ADGRB3: variants seen among roughly 807,000 people sequenced by gnomAD.
ADGRB3 encodes brain-specific angiogenesis inhibitor 3.
ADGRB3 carries 37 observed loss-of-function variants against 193.4 expected under a neutral mutation model. The ratio of observed to expected loss-of-function variants is 0.19; its 90% CI spans 0.15 to 0.25. ADGRB3 has a LOEUF of 0.25. Ranked by LOEUF, ADGRB3 falls within the 10% of genes least tolerant of loss-of-function variation. The pLI is 1.00. For synonymous variants in ADGRB3, 690 were observed against 644.2 expected (o/e 1.07, Z -1.08); for missense variants, 1,637 against 1,852.9 (o/e 0.88, Z 2.14).
chr6:69,102,516 G>A (rs912061764), intron 17 of ADGRB3, among the ~76,000 whole-genome samples: 3 of 152,178 alleles, frequency 2.0e-5, no homozygotes, highest in African/African-American at 7.2e-5. Context: ...TAAATACATG[G>A]CATTAGGGAT....
chr6:68,889,935 C>A (rs1478236745), intron 3 of ADGRB3, among the ~76,000 whole-genome samples: 1 of 152,050 alleles, frequency 6.6e-6, no homozygotes, highest in Non-Finnish European at 1.5e-5. Flanking sequence ...TTACATATAT[C>A]ATTATATAGG....
chr6:68,802,426 A>C (rs1426403965), intron 3 of ADGRB3, among the ~76,000 whole-genome samples: 1 of 152,170 alleles, frequency 6.6e-6, no homozygotes, highest in African/African-American at 2.4e-5. Context: ...TTCCAGTGTA[A>C]AGTTTATTCA....
At chr6:68,703,392 G>T (rs1388604922) in intron 3 of ADGRB3, among the ~76,000 whole-genome samples, 1 of 151,948 alleles carries the variant, frequency 6.6e-6, no homozygotes, top group East Asian at 1.9e-4. Context: ...TTGAAATTTT[G>T]AGCGTATCAA....
chr6:68,781,769 C>G (rs1267112235), intron 3 of ADGRB3, among the ~76,000 whole-genome samples: 1 of 151,976 alleles, frequency 6.6e-6, no homozygotes, highest in Non-Finnish European at 1.5e-5. Flanking sequence ...AGTGGGGCTC[C>G]TGGATCCCAA....
At chr6:68,891,646 A>G (rs1253531599) in intron 3 of ADGRB3, among the ~76,000 whole-genome samples, 4 of 152,186 alleles carry the variant, frequency 2.6e-5, no homozygotes. Flanking sequence ...TAGAGGGTTC[A>G]GGTTTAGTTA....
At chr6:68,724,617 T>C (rs1026531700) in intron 3 of ADGRB3, among the ~76,000 whole-genome samples, 5 of 151,446 alleles carry the variant, frequency 3.3e-5, no homozygotes, top group Non-Finnish European at 7.4e-5. Flanking sequence ...TATGTTTCTT[T>C]GATTTTTAGA....
intron 10 of ADGRB3, among the ~76,000 whole-genome samples, chr6:68,991,073 C>G (rs1187793775): frequency 6.6e-6 from 1 of 151,910 alleles, no homozygotes; most frequent in Admixed American, 6.6e-5. Flanking sequence ...GAGCACCAGA[C>G]GTTTTTCAGC....
intron 29 of ADGRB3, among the ~76,000 whole-genome samples, chr6:69,365,467 A>G (rs1582659647): frequency 1.3e-5 from 2 of 152,046 alleles, no homozygotes; most frequent in South Asian, 2.1e-4. Context: ...ATGGTCCCCT[A>G]TGTGGCATCT....
At chr6:69,369,332 C>T (rs867433315) in intron 29 of ADGRB3, among the ~76,000 whole-genome samples, 1 of 152,062 alleles carries the variant, frequency 6.6e-6, no homozygotes, top group Admixed American at 6.6e-5. Flanking sequence ...TGGAAACAGA[C>T]CAAAACTGAA....
chr6:68,770,305 G>T (rs916722803), intron 3 of ADGRB3, among the ~76,000 whole-genome samples: 1 of 152,126 alleles, frequency 6.6e-6, no homozygotes, highest in African/African-American at 2.4e-5. Context: ...GAGATATAAG[G>T]TTGGGAATAT....
chr6:69,210,149 C>CATATATCTATATATATATATAT (rs1765628906), intron 17 of ADGRB3, among the ~76,000 whole-genome samples: 1 of 78,940 alleles, frequency 1.3e-5, no homozygotes, highest in African/African-American at 6.3e-5. Context: ...TAATATATAT[C>CATATATCTATATATATATATAT]ATATATATAT....
At chr6:68,719,583 T>G (rs1765540966) in intron 3 of ADGRB3, among the ~76,000 whole-genome samples, 1 of 151,808 alleles carries the variant, frequency 6.6e-6, no homozygotes, top group African/African-American at 2.4e-5. Context: ...ATACTCTTTG[T>G]GATCCCTAGT....
At chr6:68,707,127 A>G (rs1334310983) in intron 3 of ADGRB3, among the ~76,000 whole-genome samples, 1 of 152,056 alleles carries the variant, frequency 6.6e-6, no homozygotes, top group Non-Finnish European at 1.5e-5. Flanking sequence ...AAAAAAAAAA[A>G]AAAGATTGTT....
At chr6:68,765,842 C>G (rs1216793836) in intron 3 of ADGRB3, among the ~76,000 whole-genome samples, 3 of 151,944 alleles carry the variant, frequency 2.0e-5, no homozygotes, top group African/African-American at 7.2e-5. Context: ...AAAATCCCTA[C>G]AAAAGCTCCC....
intron 3 of ADGRB3, among the ~76,000 whole-genome samples, chr6:68,681,794 C>T (rs1456204688): frequency 6.6e-6 from 1 of 152,126 alleles, no homozygotes; most frequent in Non-Finnish European, 1.5e-5. Context: ...TTTAATCCAA[C>T]AGAGATTCAA....
chr6:68,858,036 C>A (rs1483043072), intron 3 of ADGRB3, among the ~76,000 whole-genome samples: 3 of 152,194 alleles, frequency 2.0e-5, no homozygotes, highest in African/African-American at 7.2e-5. Flanking sequence ...TGCCTTCCAC[C>A]ATGATTGTGA....
intron 3 of ADGRB3, among the ~76,000 whole-genome samples, chr6:68,829,081 G>A (rs1582235495): frequency 8.0e-6 from 1 of 125,130 alleles, no homozygotes; most frequent in African/African-American, 2.9e-5. Context: ...TTTAATAGCT[G>A]TTTAAGTAAC....
chr6:68,996,160 C>T (rs1769376974), intron 11 of ADGRB3, among the ~76,000 whole-genome samples: 2 of 152,104 alleles, frequency 1.3e-5, no homozygotes, highest in African/African-American at 4.8e-5. Context: ...TTAGTAGTCC[C>T]TAGCTAGAAT....
chr6:69,369,235 A>G (rs1769654506), intron 29 of ADGRB3, among the ~76,000 whole-genome samples: 1 of 152,176 alleles, frequency 6.6e-6, no homozygotes, highest in South Asian at 2.1e-4. Context: ...TCAGAAAGAC[A>G]TTTGAATAAA....
Sources: allele counts gnomAD v4.1 joint callset (sites outside exome capture counted in the v4.1 genomes callset), GRCh38; gene constraint gnomAD v4.1.1; transcripts MANE v1.5; gene names NCBI Gene and HGNC (gene_info 2026-07-23, HGNC 2026-07-21).